HIF1AN: variants seen among roughly 807,000 people sequenced by gnomAD.
HIF1AN encodes hypoxia-inducible factor 1-alpha inhibitor.
HIF1AN carries 21 observed loss-of-function variants against 47.7 expected under a neutral mutation model. The observed-to-expected ratio is 0.44, with a 90% confidence interval of 0.31 to 0.63. The LOEUF (loss-of-function observed/expected upper bound fraction) is 0.63. HIF1AN is among the 30% of genes least tolerant of loss of function. HIF1AN has a pLI of 0.07. For synonymous variants in HIF1AN, 152 were observed against 155.9 expected, an observed-to-expected ratio of 0.98 and a Z score of 0.18; for missense variants, 320 against 432.7, an observed-to-expected ratio of 0.74 and a Z score of 2.31.
At chr10:100,539,321 T>C (rs1016308650) in intron 2 of HIF1AN, among the ~76,000 whole-genome samples, 6 of 152,132 alleles carry the variant, frequency 3.9e-5, no homozygotes, top group African/African-American at 1.4e-4. Flanking sequence ...AAATGTCTCT[T>C]GTGGGCTTGT....
chr10:100,539,368 T>G (rs1842997900), intron 2 of HIF1AN, among the ~76,000 whole-genome samples: 1 of 152,188 alleles, frequency 6.6e-6, no homozygotes, highest in Admixed American at 6.5e-5. Flanking sequence ...CTTAAGTAAC[T>G]TATGACCTTC....
intron 3 of HIF1AN, 93 bp downstream of exon 3, chr10:100,540,875 C>G: frequency 9.0e-7 from 1 of 1,115,168 alleles, no homozygotes; most frequent in Non-Finnish European, 1.2e-6. Context: ...TGACTTTGAA[C>G]AAGCCACTTC....
At position 100,545,986 on chromosome 10, in the gene HIF1AN, A is replaced by G; in HGVS notation, c.767A>G (p.Gln256Arg). 6.2e-7 allele frequency: 1 copy of G among 1,613,878 alleles called. No individual in the cohort carries two copies. The highest frequency in any genetic ancestry group is 8.5e-7 in the Non-Finnish European group (1 of 1,179,956). ...NPDYERFPNF[Q>R]NVVGYETVVG... The stretch of plus-strand genomic sequence containing the variant: ...GACTACGAGAGGTTCCCTAATTTCC[A>G]AAATGTGGTTGGTTACGAAACAGTG... The change falls in exon 5 of 8, where the codon CAA (glutamine) becomes CGA (arginine). Residue 256 changes from glutamine (Q) to arginine (R), a missense_variant. Physicochemically the swap from Gln to Arg is conservative, Grantham distance 43 (BLOSUM62 1). Around this residue, in one of 2 missense-constraint regions of HIF1AN, gnomAD observed 161 missense variants for 272.8 expected, o/e 0.59. Coordinates refer to ENST00000299163, the MANE Select transcript of HIF1AN (RefSeq NM_017902.3).
At chr10:100,541,629 A>G (rs1218247061) in intron 3 of HIF1AN, among the ~76,000 whole-genome samples, 3 of 152,102 alleles carry the variant, frequency 2.0e-5, no homozygotes. Flanking sequence ...GCTCCCAAGT[A>G]GCTGACACTA....
At chr10:100,545,438 A>G (rs1204796740) in intron 4 of HIF1AN, 1 of 254,774 alleles carries the variant, frequency 3.9e-6, no homozygotes, top group Non-Finnish European at 7.4e-6. Flanking sequence ...TGCTTTTGTC[A>G]TGGATGCTAT....
intron 7 of HIF1AN, among the ~76,000 whole-genome samples, chr10:100,547,813 T>C (rs1843108493): frequency 6.6e-6 from 1 of 152,150 alleles, no homozygotes; most frequent in Admixed American, 6.5e-5. Flanking sequence ...CGGGGATTAT[T>C]AGCTTCTCTG....
intron 2 of HIF1AN, 102 bp downstream of exon 2, chr10:100,536,763 C>T (rs756397512): frequency 1.0e-4 from 131 of 1,274,372 alleles, no homozygotes; most frequent in Non-Finnish European, 1.3e-4. Context: ...TAGAGATTGG[C>T]CTCTCCCATC....
intron 1 of HIF1AN, 124 bp from the exon 2 acceptor site, chr10:100,536,287 G>T: frequency 7.4e-7 from 1 of 1,352,342 alleles, no homozygotes; most frequent in Non-Finnish European, 1.0e-6. Context: ...GGAACTTAGG[G>T]GTTCGTGCTG....
At position 100,546,596 on chromosome 10, in the gene HIF1AN, CT is replaced by C; in HGVS notation, c.894+22del. 1 of 1,609,754 alleles carries C rather than the reference CT, an allele frequency of 6.2e-7. No individual in the cohort carries two copies. Among genetic ancestry groups the C allele is most frequent in the Non-Finnish European group, 8.5e-7 (1 of 1,176,998 alleles). On this transcript the variant is annotated intron_variant, in intron 6 of 7. Transcript: ENST00000299163. ...TCTGGTATAAGGTGAATATGGTTTG[CT>C]TTTTTTGTTTTTTCCAGATGGAACT...
Position 100,550,311 on chromosome 10 carries a change from A to C in HIF1AN, c.*2174A>C, listed in dbSNP as rs967662040. 1.3e-5 allele frequency: 2 copies of C among 152,220 alleles called. No homozygotes were observed. Among genetic ancestry groups the C allele is most frequent in the African/African-American group, 4.8e-5 (2 of 41,452 alleles). The allele number at this position is 152,220 out of a possible 1,614,324, so 9.4% of individuals were successfully genotyped here. A position where few individuals can be genotyped will look rare whatever the true frequency, so the allele number is the denominator to read the frequency against. Reference sequence around the variant, plus strand: ...TTGATCCTTGGGTAACACAAGAGTGATTCCTGATTTTTAGACACCTAATAT... The same window carrying C: ...TTGATCCTTGGGTAACACAAGAGTGCTTCCTGATTTTTAGACACCTAATAT... On this transcript the variant is annotated 3_prime_UTR_variant, in exon 8 of 8. Transcript: ENST00000299163.
At chr10:100,547,060 G>A (rs1234892915) in intron 6 of HIF1AN, 80 bp from the exon 7 acceptor site, 1 of 1,019,384 alleles carries the variant, frequency 9.8e-7, no homozygotes, top group East Asian at 2.6e-5. Flanking sequence ...TTCTTAGAAG[G>A]GAGGATGGTA....
Position 100,535,945 on chromosome 10 carries a change from C to T in HIF1AN, c.-14C>T. 1.3e-6 allele frequency: 2 copies of T among 1,544,422 alleles called. No individual in the cohort carries two copies. The highest frequency in any genetic ancestry group is 1.7e-6 in the Non-Finnish European group (2 of 1,145,848). Reference sequence around the variant, plus strand: ...AGCTTCCGGTTCCGGTGGGGGCCGTCCCTGGCGGCGGAGATGGCGGCGACA... The same window carrying T: ...AGCTTCCGGTTCCGGTGGGGGCCGTTCCTGGCGGCGGAGATGGCGGCGACA... On this transcript the variant is annotated 5_prime_UTR_variant, in exon 1 of 8. Transcript: ENST00000299163.
chr10:100,538,489 C>A (rs1436216106), intron 2 of HIF1AN, among the ~76,000 whole-genome samples: 1 of 152,040 alleles, frequency 6.6e-6, no homozygotes, highest in African/African-American at 2.4e-5. Context: ...TGCATTGAGT[C>A]TTGAGGATTT....
chr10:100,540,735 G>A lies in HIF1AN; in HGVS notation c.530G>A (p.Arg177His), dbSNP rs201041421. Reference protein sequence around the residue: ...WNWINKQQGKRGWGQLTSNLL... With the variant: ...WNWINKQQGKHGWGQLTSNLL... ...TGGATTAATAAGCAACAGGGAAAGC[G>A]TGGCTGGGGGCAGCTTACCTCTAAC... The change falls in exon 3 of 8, where the codon CGT (arginine) becomes CAT (histidine). Residue 177 changes from arginine to histidine, a missense_variant. This residue lies in a region of HIF1AN where 161 missense variants were observed against 272.8 expected (regional missense o/e 0.59). Coordinates refer to ENST00000299163, the MANE Select transcript of HIF1AN (RefSeq NM_017902.3). The A allele has an allele frequency of 2.4e-5, 39 of 1,613,610 alleles. No individual in the cohort carries two copies. The highest frequency in any genetic ancestry group is 4.0e-5 in the African/African-American group (3 of 74,996).
At chr10:100,539,060 C>T (rs961583548) in intron 2 of HIF1AN, among the ~76,000 whole-genome samples, 11 of 151,920 alleles carry the variant, frequency 7.2e-5, no homozygotes, top group African/African-American at 2.7e-4. Context: ...CATGTGCTGC[C>T]ACCACCATGC....
chr10:100,538,335 G>T (rs939446005), intron 2 of HIF1AN, among the ~76,000 whole-genome samples: 2 of 152,170 alleles, frequency 1.3e-5, no homozygotes, highest in African/African-American at 2.4e-5. Context: ...AATGTATTAG[G>T]ATCCTCTGAG....
chr10:100,536,688 T>G (rs761418862), intron 2 of HIF1AN, 27 bp downstream of exon 2: 16 of 1,612,606 alleles, frequency 9.9e-6, no homozygotes, highest in Middle Eastern at 1.6e-4. Flanking sequence ...TAATTTTCTG[T>G]TGGATTTAGG....
rs1215863047 is a variant in HIF1AN at position 100,551,490 on chromosome 10, G to A, written c.*3353G>A. ...TTCAGTATTGCCACAAGTGGGCAGAGCTTGTATTTCTTAACAAAGATTAGG... is the reference window on the plus strand; with the variant it reads ...TTCAGTATTGCCACAAGTGGGCAGAACTTGTATTTCTTAACAAAGATTAGG... On this transcript the variant is annotated 3_prime_UTR_variant, in exon 8 of 8. Coordinates refer to ENST00000299163, the MANE Select transcript of HIF1AN (RefSeq NM_017902.3). 2.0e-5 allele frequency: 3 copies of A among 152,208 alleles called. No individual in the cohort carries two copies. The highest frequency in any genetic ancestry group is 2.9e-5 in the Non-Finnish European group (2 of 68,054). 9.4% of individuals were successfully genotyped at this position (152,208 alleles called of 1,614,324 possible).
chr10:100,551,080 G>C lies in HIF1AN; in HGVS notation c.*2943G>C, dbSNP rs191358685. ...ATCTATTCACACCAGCAGGTACAGA[G>C]AAAACTAGTGTTTTGTAAAGTCAAA... On this transcript the variant is annotated 3_prime_UTR_variant, in exon 8 of 8. Transcript: ENST00000299163. 1 of 152,206 alleles carries C rather than the reference G, an allele frequency of 6.6e-6. No individual in the cohort carries two copies. The highest frequency in any genetic ancestry group is 6.5e-5 in the Admixed American group (1 of 15,282). 9.4% of individuals were successfully genotyped at this position (152,206 alleles called of 1,614,324 possible). A position where few individuals can be genotyped will look rare whatever the true frequency, so the allele number is the denominator to read the frequency against.
Sources: gnomAD v4.1 joint callset for allele counts (sites outside exome capture counted in the v4.1 genomes callset) on GRCh38, gnomAD v4.1.1 for gene constraint, gnomAD v4.1.1 regional missense constraint, MANE v1.5 for transcripts, NCBI Gene and HGNC (gene_info 2026-07-23, HGNC 2026-07-21) for gene names.